Variants in DGKI observed in about 807,000 individuals in gnomAD.
DGKI encodes DAG kinase iota.
DGKI carries 55 observed loss-of-function variants against 147.5 expected under a neutral mutation model. The ratio of observed to expected loss-of-function variants is 0.37; its 90% CI spans 0.30 to 0.47. The LOEUF is 0.47. DGKI is among the 20% of genes least tolerant of loss of function. The pLI is 1.00. For synonymous variants in DGKI, 469 were observed against 477.1 expected, an observed-to-expected ratio of 0.98 and a Z score of 0.22; for missense variants, 1,007 against 1,323.8, an observed-to-expected ratio of 0.76 and a Z score of 3.71.
chr7:137,735,650 C>T (rs990244644), intron 1 of DGKI, among the ~76,000 whole-genome samples: 2 of 151,970 alleles, frequency 1.3e-5, no homozygotes, highest in Non-Finnish European at 2.9e-5. Context: ...TTCAGAAGTG[C>T]CAGTATATAA....
At chr7:137,800,121 T>C (rs907309195) in intron 1 of DGKI, among the ~76,000 whole-genome samples, 6 of 151,866 alleles carry the variant, frequency 4.0e-5, no homozygotes, top group African/African-American at 1.5e-4. Flanking sequence ...GATTCCAATT[T>C]CCCCCCTATA....
At position 137,576,432 on chromosome 7, in the gene DGKI, T is replaced by C. The variant is rs185624403; in HGVS notation, c.1761+790A>G. On this transcript the variant is annotated intron_variant, in intron 17 of 32. Coordinates refer to ENST00000614521, the MANE Select transcript of DGKI (RefSeq NM_001321708.2). ...TCTCATCACTTCTTTTCCATCTATA[T>C]ATCTTTTTTCTCTTTCTCATTCTGT... Among the ~76,000 whole-genome samples the C allele has an allele frequency of 1.1e-4, 17 of 152,348 alleles. No homozygotes were observed. In the East Asian group the frequency reaches 2.9e-3, roughly 26 times the overall value.
chr7:137,451,770 C>A (rs528453974), intron 27 of DGKI, among the ~76,000 whole-genome samples: 3 of 152,196 alleles, frequency 2.0e-5, no homozygotes, highest in Non-Finnish European at 4.4e-5. Context: ...TCAAAACTTA[C>A]AAGCTGATCC....
intron 1 of DGKI, among the ~76,000 whole-genome samples, chr7:137,801,357 G>A (rs1797199485): frequency 6.6e-6 from 1 of 152,134 alleles, no homozygotes. Context: ...GGTTTCAAAA[G>A]GAAGGAGCAA....
At chr7:137,510,284 C>A (rs578240725) in intron 21 of DGKI, among the ~76,000 whole-genome samples, 44 of 152,226 alleles carry the variant, frequency 2.9e-4, no homozygotes, top group Non-Finnish European at 4.3e-4. Flanking sequence ...CCTAATGTTG[C>A]ATGCAATAAA....
chr7:137,393,076 C>T (rs556811473), intron 32 of DGKI, among the ~76,000 whole-genome samples: 1 of 152,210 alleles, frequency 6.6e-6, no homozygotes, highest in Admixed American at 6.5e-5. Flanking sequence ...ACAGGCATAT[C>T]TACATGTGAA....
chr7:137,678,566 G>A lies in DGKI; in HGVS notation c.597C>T (p.Val199=), dbSNP rs751256379. The A allele has an allele frequency of 6.2e-7, 1 of 1,614,022 alleles. No individual in the cohort carries two copies. The change falls in exon 3 of 33, where the codon GTC becomes GTT. Residue 199 remains valine (V), a synonymous_variant. Transcript: ENST00000614521. ...CGGAGCGCACACTCACTGCAAATCT[G>A]ACTTGGCAGTTCTCCTCTCCAAGGT... ...LCYLGEENCQ[V]RFAKSALRRK...
intron 28 of DGKI, among the ~76,000 whole-genome samples, chr7:137,432,309 C>T (rs1405918737): frequency 1.3e-5 from 2 of 152,132 alleles, no homozygotes; most frequent in Non-Finnish European, 2.9e-5. Flanking sequence ...CTGTAACCTG[C>T]AGGAAATGTG....
intron 1 of DGKI, among the ~76,000 whole-genome samples, chr7:137,708,650 T>A (rs77969597): frequency 1.3e-5 from 2 of 152,232 alleles, no homozygotes; most frequent in East Asian, 3.8e-4. Flanking sequence ...GCTGTTTGTA[T>A]GGAAGTAAAC....
intron 27 of DGKI, among the ~76,000 whole-genome samples, chr7:137,457,335 G>A (rs75520742): frequency 6.6e-6 from 1 of 152,182 alleles, no homozygotes; most frequent in Admixed American, 6.5e-5. Flanking sequence ...TTGTGAAGCT[G>A]AAAGAATATT....
intron 12 of DGKI, among the ~76,000 whole-genome samples, chr7:137,595,158 C>T (rs1819741021): frequency 6.6e-6 from 1 of 152,186 alleles, no homozygotes; most frequent in African/African-American, 2.4e-5. Flanking sequence ...TTATGGAATA[C>T]TCATAGTTAT....
intron 28 of DGKI, among the ~76,000 whole-genome samples, chr7:137,414,549 A>C (rs890335609): frequency 4.6e-5 from 7 of 152,004 alleles, no homozygotes; most frequent in African/African-American, 1.7e-4. Context: ...AAAAAAAAAA[A>C]AAACCCTATG....
intron 27 of DGKI, among the ~76,000 whole-genome samples, chr7:137,446,510 G>T (rs1032169076): frequency 1.3e-5 from 2 of 152,028 alleles, no homozygotes; most frequent in Non-Finnish European, 2.9e-5. Flanking sequence ...TGGATCACCT[G>T]AGGTCAGGAT....
intron 30 of DGKI, among the ~76,000 whole-genome samples, chr7:137,397,735 A>C (rs2128894544): frequency 6.6e-6 from 1 of 152,346 alleles, no homozygotes; most frequent in Non-Finnish European, 1.5e-5. Flanking sequence ...AGAAAGGGGA[A>C]GATTAGGTGG....
intron 1 of DGKI, among the ~76,000 whole-genome samples, chr7:137,753,141 C>T (rs1795561852): frequency 6.6e-6 from 1 of 152,092 alleles, no homozygotes; most frequent in Non-Finnish European, 1.5e-5. Context: ...CCCATGAGGT[C>T]CCTAAATAAT....
At chr7:137,765,799 A>G (rs1795998741) in intron 1 of DGKI, among the ~76,000 whole-genome samples, 1 of 152,144 alleles carries the variant, frequency 6.6e-6, no homozygotes. Flanking sequence ...GGCCTCCCGG[A>G]ATCCTGCAGC....
chr7:137,813,824 T>C (rs993969262), intron 1 of DGKI, among the ~76,000 whole-genome samples: 1 of 152,246 alleles, frequency 6.6e-6, no homozygotes, highest in Non-Finnish European at 1.5e-5. Flanking sequence ...CTGCATTTAG[T>C]GCTGGCAAAA....
chr7:137,607,527 T>C (rs547302968), intron 10 of DGKI, among the ~76,000 whole-genome samples: 1 of 152,356 alleles, frequency 6.6e-6, no homozygotes, highest in African/African-American at 2.4e-5. Context: ...TACTAGCCTC[T>C]GTGCGCCCTA....
rs111591648 is a variant in DGKI, at chr7:137,420,951, G to A, written c.2762-8744C>T. Among the ~76,000 whole-genome samples, 599 of 152,136 alleles carry A rather than the reference G, an allele frequency of 3.9e-3. 3 individuals are homozygous for A. The highest frequency in any genetic ancestry group is 5.2e-3 in the Admixed American group (79 of 15,290). On this transcript the variant is annotated intron_variant, in intron 28 of 32. Coordinates refer to ENST00000614521, the MANE Select transcript of DGKI (RefSeq NM_001321708.2). ...AGAGAATTGCTTGAACCCAGGAGGCGGAGGTTGCAGTGAGCCGAGATCACG... is the reference window on the plus strand; with the variant it reads ...AGAGAATTGCTTGAACCCAGGAGGCAGAGGTTGCAGTGAGCCGAGATCACG...
Sources: allele counts gnomAD v4.1 joint callset (sites outside exome capture counted in the v4.1 genomes callset), GRCh38; gene constraint gnomAD v4.1.1; transcripts MANE v1.5; gene names NCBI Gene and HGNC (gene_info 2026-07-23, HGNC 2026-07-21).